SLC8A3: variants seen among roughly 807,000 people sequenced by gnomAD.
The protein encoded by SLC8A3 is sodium/calcium exchanger 3.
Under a neutral mutation model 65.4 loss-of-function variants are expected in SLC8A3, and 37 were observed. That is an observed-to-expected ratio of 0.57 (90% CI 0.44 to 0.74). SLC8A3 has a LOEUF of 0.74. Ranked by LOEUF, SLC8A3 falls within the 30% of genes least tolerant of loss-of-function variation. The pLI, the probability that SLC8A3 is intolerant of heterozygous loss-of-function variation, is 0.00. For missense variants in SLC8A3, 1,112 were observed against 1,172.1 expected (o/e 0.95, Z 0.75); for synonymous variants, 461 against 444.5 (o/e 1.04, Z -0.47).
At chr14:70,086,810 TC>T (rs1891478215) in intron 2 of SLC8A3, among the ~76,000 whole-genome samples, 1 of 152,212 alleles carries the variant, frequency 6.6e-6, no homozygotes, top group Admixed American at 6.5e-5. Context: ...AGGACAAGTA[TC>T]TCCAGTTCCC....
At chr14:70,130,792 C>A (rs1894775985) in intron 2 of SLC8A3, among the ~76,000 whole-genome samples, 2 of 152,196 alleles carry the variant, frequency 1.3e-5, no homozygotes, top group Admixed American at 1.3e-4. Flanking sequence ...CTGAAAGAGG[C>A]ACTATGCCTT....
intron 2 of SLC8A3, among the ~76,000 whole-genome samples, chr14:70,114,290 G>T (rs1339394157): frequency 2.0e-5 from 3 of 152,124 alleles, no homozygotes; most frequent in African/African-American, 7.2e-5. Flanking sequence ...AGGATAGTTT[G>T]GTTCAAGCTT....
chr14:70,141,498 C>T (rs8005050), intron 2 of SLC8A3, among the ~76,000 whole-genome samples: 15,338 of 152,236 alleles, frequency 0.1, 1,052 homozygotes, highest in Non-Finnish European at 0.15. Flanking sequence ...AGATTTACAT[C>T]CTCTGGCTTT....
Position 70,168,260 on chromosome 14 carries a change from T to C in SLC8A3, c.163A>G (p.Lys55Glu). The C allele has an allele frequency of 6.2e-7, 1 of 1,614,170 alleles. No homozygotes were observed. Among genetic ancestry groups the C allele is most frequent in the Non-Finnish European group, 8.5e-7 (1 of 1,180,024 alleles). ...CAGATTGGCAGGATGACACCCTCCT[T>C]GCAGTCCGATGACCCTGAACAGGAC... is the stretch of plus-strand genomic sequence containing the variant. ...NESCSGSSDC[K>E]EGVILPIWYP... Residue 55 changes from lysine (K) to glutamate (E), a missense_variant, in exon 2 of 7, where the codon AAG (lysine) becomes GAG (glutamate). Coordinates refer to ENST00000356921, the MANE Select transcript of SLC8A3 (RefSeq NM_182932.3).
intron 2 of SLC8A3, among the ~76,000 whole-genome samples, chr14:70,127,298 A>T (rs140531986): frequency 6.6e-6 from 1 of 152,266 alleles, no homozygotes; most frequent in African/African-American, 2.4e-5. Context: ...TGAAGTGGTT[A>T]TTGTGGAGTT....
chr14:70,100,847 G>A (rs1296051434), intron 2 of SLC8A3, among the ~76,000 whole-genome samples: 1 of 152,154 alleles, frequency 6.6e-6, no homozygotes, highest in African/African-American at 2.4e-5. Context: ...TCTGCCTCTG[G>A]TACTATGAGC....
intron 1 of SLC8A3, among the ~76,000 whole-genome samples, chr14:70,168,867 C>T (rs1425695509): frequency 6.6e-6 from 1 of 152,184 alleles, no homozygotes; most frequent in African/African-American, 2.4e-5. Flanking sequence ...GACTTCCTTA[C>T]CCTGTTGTCA....
intron 1 of SLC8A3, among the ~76,000 whole-genome samples, chr14:70,171,409 G>A (rs560978703): frequency 5.5e-4 from 83 of 152,286 alleles, no homozygotes; most frequent in Non-Finnish European, 9.3e-4. Flanking sequence ...GTGGCAACAG[G>A]TTTTTCTGGG....
At chr14:70,061,356 G>A (rs762808828) in intron 2 of SLC8A3, among the ~76,000 whole-genome samples, 3 of 152,146 alleles carry the variant, frequency 2.0e-5, no homozygotes, top group Non-Finnish European at 4.4e-5. Context: ...TGGGCAACAG[G>A]TAAACTACTA....
chr14:70,097,699 T>A (rs146918716), intron 2 of SLC8A3, among the ~76,000 whole-genome samples: 8 of 152,296 alleles, frequency 5.3e-5, no homozygotes, highest in African/African-American at 1.9e-4. Flanking sequence ...TTTTTTTTAA[T>A]CTCTTTGTCT....
chr14:70,077,602 G>A (rs141548028), intron 2 of SLC8A3, among the ~76,000 whole-genome samples: 94 of 152,300 alleles, frequency 6.2e-4, no homozygotes, highest in African/African-American at 2.1e-3. Context: ...GAAGTTCTCC[G>A]TGGCTGTCCA....
intron 2 of SLC8A3, among the ~76,000 whole-genome samples, chr14:70,065,547 T>TG (rs1889329496): frequency 6.6e-6 from 1 of 152,188 alleles, no homozygotes; most frequent in Non-Finnish European, 1.5e-5. Flanking sequence ...CCTCACTAGC[T>TG]GGGTGACCTT....
intron 2 of SLC8A3, among the ~76,000 whole-genome samples, chr14:70,090,909 TCA>T (rs1891758433): frequency 6.6e-6 from 1 of 152,186 alleles, no homozygotes; most frequent in Non-Finnish European, 1.5e-5. Flanking sequence ...ATGCACATAC[TCA>T]CACACAATAT....
chr14:70,082,648 T>C (rs923415831), intron 2 of SLC8A3, among the ~76,000 whole-genome samples: 4 of 152,168 alleles, frequency 2.6e-5, no homozygotes, highest in African/African-American at 9.7e-5. Context: ...AACTTCTGTC[T>C]TCTCTCACCT....
intron 2 of SLC8A3, among the ~76,000 whole-genome samples, chr14:70,142,002 C>G (rs777006406): frequency 6.6e-6 from 1 of 152,206 alleles, no homozygotes; most frequent in Admixed American, 6.5e-5. Context: ...TGACCAGAGC[C>G]CTGCCTTAGG....
intron 2 of SLC8A3, among the ~76,000 whole-genome samples, chr14:70,065,717 C>A (rs539857825): frequency 1.3e-5 from 2 of 152,220 alleles, no homozygotes; most frequent in Non-Finnish European, 2.9e-5. Flanking sequence ...CTAAGAGTAA[C>A]AACAATCCCA....
At chr14:70,187,685 A>G (rs979234869) in intron 1 of SLC8A3, among the ~76,000 whole-genome samples, 9 of 151,108 alleles carry the variant, frequency 6.0e-5, no homozygotes, top group African/African-American at 2.0e-4. Flanking sequence ...GGTTAGTTAT[A>G]TATTTCGATT....
intron 2 of SLC8A3, among the ~76,000 whole-genome samples, chr14:70,128,975 C>G (rs6573930): frequency 0.99 from 151,143 of 152,352 alleles, 74,980 homozygotes; most frequent in East Asian, 1. Context: ...GTGATAGCAG[C>G]AGGTAGCCAC....
At chr14:70,160,450 G>A (rs975426715) in intron 2 of SLC8A3, among the ~76,000 whole-genome samples, 9 of 152,062 alleles carry the variant, frequency 5.9e-5, no homozygotes, top group African/African-American at 1.7e-4. Flanking sequence ...AATAAATAAA[G>A]TATATGGGAG....
Sources: gnomAD v4.1 joint callset for allele counts (sites outside exome capture counted in the v4.1 genomes callset) on GRCh38, gnomAD v4.1.1 for gene constraint, MANE v1.5 for transcripts, NCBI Gene and HGNC (gene_info 2026-07-23, HGNC 2026-07-21) for gene names.